The following HMCN2 variants were observed in gnomAD, a reference collection of about 807,000 sequenced individuals.
The protein encoded by HMCN2 is hemicentin-2.
Under a neutral mutation model 377.5 loss-of-function variants are expected in HMCN2, and 325 were observed. The observed-to-expected ratio is 0.86, with a 90% CI of 0.79 to 0.94. The LOEUF is 0.94. HMCN2 is among the 40% of genes least tolerant of loss of function. The pLI, the probability that HMCN2 is intolerant of heterozygous loss-of-function variation, is 0.00. For synonymous variants in HMCN2, 2,007 were observed against 2,046.8 expected, an observed-to-expected ratio of 0.98 and a Z score of 0.53; for missense variants, 4,543 against 4,725.3, an observed-to-expected ratio of 0.96 and a Z score of 1.13.
chr9:130,417,396 C>T (rs554673681), intron 85 of HMCN2, among the ~76,000 whole-genome samples: 1 of 151,876 alleles, frequency 6.6e-6, no homozygotes, highest in Non-Finnish European at 1.5e-5. Flanking sequence ...GTGGCACACA[C>T]CTGTAATCCC....
Position 130,398,602 on chromosome 9 carries a change from C to A in HMCN2, c.11378C>A (p.Thr3793Asn). 1 of 1,284,746 alleles carries A rather than the reference C, an allele frequency of 7.8e-7. No individual in the cohort carries two copies. The highest frequency in any genetic ancestry group is 1.0e-6 in the Non-Finnish European group (1 of 985,330). 79.6% of individuals were successfully genotyped at this position (1,284,746 alleles called of 1,614,324 possible). A position where few individuals can be genotyped will look rare whatever the true frequency, so the allele number is the denominator to read the frequency against. ...TCCAACCTGACCCTGACCGCCCACA[C>A]CCCAGCCTTGCTGCCCTGCGAGGCC... Reference protein sequence around the residue: ...SPSNLTLTAHTPALLPCEASG... With the variant: ...SPSNLTLTAHNPALLPCEASG... Residue 3793 changes from threonine (T) to asparagine (N), a missense_variant, in exon 75 of 98, where the codon ACC becomes AAC. Thr to Asn is a moderately conservative substitution (Grantham distance 65, BLOSUM62 0). This residue lies in a region of HMCN2 where 1,073 missense variants were observed against 1,319.5 expected (regional missense o/e 0.81). Transcript: ENST00000683500.
At chr9:130,373,608 G>C (rs1841173709) in intron 48 of HMCN2, among the ~76,000 whole-genome samples, 3 of 4,350 alleles carry the variant, frequency 6.9e-4, no homozygotes, top group Non-Finnish European at 1.2e-3. Context: ...TGGGTGGGTG[G>C]ATGGATGGAT....
chr9:130,343,544 A>G lies in HMCN2; in HGVS notation c.3829+1108A>G, dbSNP rs1839179784. ...CCACCTGGCCCCCCGACCCTCCCCG[A>G]CCCAGGTCCCCGGCCCTTGACTATG... On this transcript the variant is annotated intron_variant, in intron 25 of 97. Coordinates refer to ENST00000683500, the MANE Select transcript of HMCN2 (RefSeq NM_001291815.2). Among the ~76,000 whole-genome samples, 9 of 149,338 alleles carry G rather than the reference A, an allele frequency of 6.0e-5. 2 individuals carry two copies. The South Asian group carries it at 2.0e-3, about 33-fold the overall frequency.
In HMCN2 at chr9:130,357,928, C is replaced by A. The variant is rs755934847; in HGVS notation, c.5520C>A (p.Thr1840=). ...AGTGCATAGGGGATGGGGTGCCCACCCCAAGCCTCCGTTGGTGGAAGGATG... is the reference window on the plus strand; with the variant it reads ...AGTGCATAGGGGATGGGGTGCCCACACCAAGCCTCCGTTGGTGGAAGGATG... ...TLQCIGDGVP[T]PSLRWWKDGV... is the part of the protein sequence containing the mutation. Residue 1840 remains threonine (T), a synonymous_variant, in exon 35 of 98, where the codon ACC becomes ACA. Transcript: ENST00000683500. The A allele has an allele frequency of 7.7e-7, 1 of 1,304,162 alleles. No homozygotes were observed. The highest frequency in any genetic ancestry group is 1.2e-5 in the South Asian group (1 of 81,020). The allele number at this position is 1,304,162 out of a possible 1,614,324, so 80.8% of individuals were successfully genotyped here.
Position 130,351,472 on chromosome 9 carries a change from G to A in HMCN2, c.4480G>A (p.Val1494Ile), listed in dbSNP as rs770013339. Residue 1494 changes from valine (V) to isoleucine (I), a missense_variant, in exon 30 of 98, where the codon GTT (valine) becomes ATT (isoleucine). This residue lies in a region of HMCN2 where 1,032 missense variants were observed against 1,285.1 expected (regional missense o/e 0.80). Transcript: ENST00000683500. This position sits in a 1 kb window ranked among gnomAD's most constrained non-coding sequence, Gnocchi z 5.4. Reference protein sequence around the residue: ...PHLQVQEDGQVLRITGSHVGD... With the variant: ...PHLQVQEDGQILRITGSHVGD... Reference sequence around the variant, plus strand: ...CCTGCAGGTCCAGGAGGATGGCCAGGTTCTCAGGATCACCGGCAGTCACGT... The same window carrying A: ...CCTGCAGGTCCAGGAGGATGGCCAGATTCTCAGGATCACCGGCAGTCACGT... 274 of 1,304,168 alleles carry A rather than the reference G, an allele frequency of 2.1e-4. No individual in the cohort carries two copies. The highest frequency in any genetic ancestry group is 2.8e-4 in the Non-Finnish European group (273 of 988,964). 80.8% of individuals were successfully genotyped at this position (1,304,168 alleles called of 1,614,324 possible).
In HMCN2 at chr9:130,428,987, G is replaced by A. The variant is rs989688974; in HGVS notation, c.14197+498G>A. Among the ~76,000 whole-genome samples, 7 of 152,318 alleles carry A rather than the reference G, an allele frequency of 4.6e-5. No individual in the cohort carries two copies. Among genetic ancestry groups the A allele is most frequent in the Middle Eastern group, 3.4e-3 (1 of 294 alleles). ...TCTAACAGTCTATGGCTGTAGGACC[G>A]TGGGTCCACCCGGCTCCTCTGAGAG... On this transcript the variant is annotated intron_variant, in intron 93 of 97. Coordinates refer to ENST00000683500, the MANE Select transcript of HMCN2 (RefSeq NM_001291815.2). This position sits in a 1 kb window ranked among gnomAD's most constrained non-coding sequence, Gnocchi z 5.0.
In HMCN2 at chr9:130,395,906, C is replaced by T; in HGVS notation, c.10912-18C>T. 7.8e-7 allele frequency: 1 copy of T among 1,283,646 alleles called. No individual in the cohort carries two copies. The highest frequency in any genetic ancestry group is 1.0e-6 in the Non-Finnish European group (1 of 986,360). The allele number at this position is 1,283,646 out of a possible 1,614,324, so 79.5% of individuals were successfully genotyped here. A position where few individuals can be genotyped will look rare whatever the true frequency, so the allele number is the denominator to read the frequency against. On this transcript the variant is annotated intron_variant, in intron 71 of 97. Coordinates refer to ENST00000683500, the MANE Select transcript of HMCN2 (RefSeq NM_001291815.2). ...TGGGCACTGATAAGGGTCTGTCCAC[C>T]CTGGCGGGGCTCTCCAGGAGGACGC...
chr9:130,415,114 G>A (rs7049027), intron 85 of HMCN2, among the ~76,000 whole-genome samples: 95,663 of 152,036 alleles, frequency 0.63, 30,843 homozygotes, highest in East Asian at 0.83. Context: ...GAGGCCACGT[G>A]GGGAACCCGG....
Position 130,386,461 on chromosome 9 carries a change from T to C in HMCN2, c.9328T>C (p.Tyr3110His). The change falls in exon 61 of 98, where the codon TAC becomes CAC. Residue 3110 changes from tyrosine (Y) to histidine (H), a missense_variant. Coordinates refer to ENST00000683500, the MANE Select transcript of HMCN2 (RefSeq NM_001291815.2). Reference sequence around the variant, plus strand: ...CTTTCAGGTATCGGATAAAGGTTTATACAGCTGTAAAGTCAGCAACGTGGC... The same window carrying C: ...CTTTCAGGTATCGGATAAAGGTTTACACAGCTGTAAAGTCAGCAACGTGGC... ...QEAQVSDKGL[Y>H]SCKVSNVAGE... The C allele has an allele frequency of 1.5e-6, 2 of 1,303,940 alleles. No individual in the cohort carries two copies. Among genetic ancestry groups the C allele is most frequent in the African/African-American group, 3.0e-5 (2 of 65,980 alleles). The allele number at this position is 1,303,940 out of a possible 1,614,324, so 80.8% of individuals were successfully genotyped here.
chr9:130,365,937 C>G lies in HMCN2; in HGVS notation c.6567C>G (p.Thr2189=). 1.0e-6 allele frequency: 1 copy of G among 985,774 alleles called. No individual in the cohort carries two copies. Among genetic ancestry groups the G allele is most frequent in the Non-Finnish European group, 1.2e-6 (1 of 829,876 alleles). 61.1% of individuals were successfully genotyped at this position (985,774 alleles called of 1,614,324 possible). A position where few individuals can be genotyped will look rare whatever the true frequency, so the allele number is the denominator to read the frequency against. ...TGACTGTGAGAGAGGGGCACCCTAC[C>G]AGGCTGTCCTGCGAATGCCGGGGTG... ...HTLTVREGHP[T]RLSCECRGVP... Residue 2189 remains threonine, a synonymous_variant, in exon 43 of 98, where the codon ACC becomes ACG. Coordinates refer to ENST00000683500, the MANE Select transcript of HMCN2 (RefSeq NM_001291815.2).
At chr9:130,417,536 A>C (rs1843762517) in intron 85 of HMCN2, among the ~76,000 whole-genome samples, 2 of 122,176 alleles carry the variant, frequency 1.6e-5, no homozygotes, top group East Asian at 2.7e-4. Context: ...AAAAAAAAAA[A>C]ACAAAAAAAA....
intron 82 of HMCN2, chr9:130,407,172 C>T (rs11244205): frequency 0.051 from 8,266 of 163,458 alleles, 282 homozygotes; most frequent in Middle Eastern, 0.11. Flanking sequence ...ATCGGTTGAA[C>T]CTGGGAGGTG....
chr9:130,367,552 C>T (rs1840761705), intron 43 of HMCN2, among the ~76,000 whole-genome samples: 1 of 152,084 alleles, frequency 6.6e-6, no homozygotes, highest in African/African-American at 2.4e-5. Flanking sequence ...GTTGCCTGGT[C>T]ACCCTCCTCA....
intron 44 of HMCN2, 124 bp downstream of exon 44, chr9:130,368,561 C>T (rs1390951075): frequency 1.0e-5 from 4 of 400,082 alleles, no homozygotes; most frequent in Non-Finnish European, 1.4e-5. Flanking sequence ...TCCTCCCTCA[C>T]GTTCCTGGTG....
intron 74 of HMCN2, 42 bp downstream of exon 74, chr9:130,397,697 G>C (rs887085235): frequency 7.8e-7 from 1 of 1,285,484 alleles, no homozygotes; most frequent in African/African-American, 1.5e-5. Flanking sequence ...AGTCCCTGTC[G>C]GGGTCCAGTC....
rs782051712 is a variant in HMCN2 at position 130,303,667 on chromosome 9, C to A, written c.1543+59C>A. Reference sequence around the variant, plus strand: ...CCTTACCCTCTTCTTGGGTTCTTACCCCTAGGATTTCCTCCAGGCGAGTCT... The same window carrying A: ...CCTTACCCTCTTCTTGGGTTCTTACACCTAGGATTTCCTCCAGGCGAGTCT... On this transcript the variant is annotated intron_variant, in intron 10 of 97. Transcript: ENST00000683500. The surrounding 1 kb of genome is among the most constrained non-coding windows in gnomAD (Gnocchi z 5.2). 48 of 211,424 alleles carry A rather than the reference C, an allele frequency of 2.3e-4. No individual in the cohort carries two copies. Among genetic ancestry groups the A allele is most frequent in the Middle Eastern group, 1.5e-3 (3 of 2,032 alleles). The allele number at this position is 211,424 out of a possible 1,614,324, so 13.1% of individuals were successfully genotyped here. A position where few individuals can be genotyped will look rare whatever the true frequency, so the allele number is the denominator to read the frequency against.
Position 130,390,964 on chromosome 9 carries a change from C to T in HMCN2, c.9524-13C>T. The T allele has an allele frequency of 1.0e-6, 1 of 986,578 alleles. No individual in the cohort carries two copies. The highest frequency in any genetic ancestry group is 1.2e-6 in the Non-Finnish European group (1 of 830,104). The allele number at this position is 986,578 out of a possible 1,614,324, so 61.1% of individuals were successfully genotyped here. On this transcript the variant is annotated splice_polypyrimidine_tract_variant and intron_variant, in intron 62 of 97. Transcript: ENST00000683500. ...AGGGGCTGGGGGATTCAGGGGACCC[C>T]TCTGTCCCACAGAGAGCAGCGCGGT...
intron 1 of HMCN2, among the ~76,000 whole-genome samples, chr9:130,277,650 T>C (rs1015788958): frequency 8.6e-5 from 13 of 151,996 alleles, no homozygotes; most frequent in Non-Finnish European, 1.8e-4. Context: ...TGGTGCTTAG[T>C]AAACATCAAA....
At chr9:130,401,951 C>T (rs1842870032) in intron 77 of HMCN2, among the ~76,000 whole-genome samples, 4 of 152,046 alleles carry the variant, frequency 2.6e-5, no homozygotes. Context: ...GTGGTGCATG[C>T]CTGTGGTCCC....
Sources: allele counts gnomAD v4.1 joint callset (sites outside exome capture counted in the v4.1 genomes callset), GRCh38; gene constraint gnomAD v4.1.1; regional missense constraint gnomAD v4.1.1; non-coding constraint Gnocchi (gnomAD v3.1); transcripts MANE v1.5; gene names NCBI Gene and HGNC (gene_info 2026-07-23, HGNC 2026-07-21).